CBX1: variants seen among roughly 807,000 people sequenced by gnomAD.
The protein encoded by CBX1 is chromobox 1, also known as chromobox protein homolog 1.
CBX1 carries 10 observed loss-of-function variants against 25.1 expected under a neutral mutation model. That is an observed-to-expected ratio of 0.40 (90% CI 0.25 to 0.68). The LOEUF (loss-of-function observed/expected upper bound fraction) is 0.68. Ranked by LOEUF, CBX1 falls within the 30% of genes least tolerant of loss-of-function variation. The pLI, the probability that CBX1 is intolerant of heterozygous loss-of-function variation, is 0.40. For missense variants in CBX1, 106 were observed against 218.5 expected, an observed-to-expected ratio of 0.49 and a Z score of 3.25; for synonymous variants, 63 against 79.4, an observed-to-expected ratio of 0.79 and a Z score of 1.10.
chr17:48,087,247 C>T (rs1167993014), intron 1 of CBX1, among the ~76,000 whole-genome samples: 1 of 150,582 alleles, frequency 6.6e-6, no homozygotes, highest in Non-Finnish European at 1.5e-5. Flanking sequence ...GAACCTTCAC[C>T]TCTATGAGAA....
Position 48,083,903 on chromosome 17 carries a change from A to G in CBX1, c.-37-6862T>C, listed in dbSNP as rs114484478. ...GTAGAACCATGTAGTTCAACCAGCC[A>G]TGTTTATCTGCAAAGTTTCACTGAA... On this transcript the variant is annotated intron_variant, in intron 1 of 4. Coordinates refer to ENST00000225603, the MANE Select transcript of CBX1 (RefSeq NM_001127228.2). 3.8e-3 allele frequency among the ~76,000 whole-genome samples: 567 copies of G among 150,754 alleles called. 66 individuals carry two copies. Among genetic ancestry groups the G allele is most frequent in the African/African-American group, 0.013 (532 of 40,120 alleles).
In CBX1 at chr17:48,077,000, C is replaced by A. The variant is rs1273061679; in HGVS notation, c.5G>T (p.Gly2Val). Residue 2 changes from glycine (G) to valine (V), a missense_variant, in exon 2 of 5, where the codon GGG becomes GTG. Gly to Val is a moderately radical substitution (Grantham distance 109, BLOSUM62 -3). Around this residue, in one of 4 missense-constraint regions of CBX1, gnomAD observed 19 missense variants for 17.3 expected, o/e 1.10. Transcript: ENST00000225603. MGKKQNKKKVEE... is the reference protein window; with the variant it reads MVKKQNKKKVEE... ...CACTTTCTTCTTGTTTTGTTTTTTC[C>A]CCATAGTGCCCGCCAGCTTTCTGGT... 1 of 1,612,642 alleles carries A rather than the reference C, an allele frequency of 6.2e-7. No individual in the cohort carries two copies. Among genetic ancestry groups the A allele is most frequent in the Admixed American group, 1.7e-5 (1 of 59,666 alleles).
intron 1 of CBX1, among the ~76,000 whole-genome samples, chr17:48,092,063 TCAC>T (rs1184961959): frequency 1.5e-5 from 2 of 135,478 alleles, no homozygotes; most frequent in Admixed American, 8.3e-5. Flanking sequence ...CCATCTTGAC[TCAC>T]CACAACCTTC....
intron 1 of CBX1, among the ~76,000 whole-genome samples, chr17:48,094,114 C>CAAA (rs11459504): frequency 0.01 from 519 of 50,634 alleles, 10 homozygotes; most frequent in East Asian, 0.02. Context: ...AACTCTGTCT[C>CAAA]AAAAAAAAAA....
intron 1 of CBX1, among the ~76,000 whole-genome samples, chr17:48,091,535 C>CTTTTTT (rs4053473): frequency 1.5e-4 from 11 of 72,170 alleles, no homozygotes; most frequent in African/African-American, 5.7e-4. Context: ...CCACCATGCC[C>CTTTTTT]TTTTTTTTTT....
chr17:48,100,011 T>C (rs1199863898), intron 1 of CBX1, among the ~76,000 whole-genome samples: 1 of 151,756 alleles, frequency 6.6e-6, no homozygotes, highest in Non-Finnish European at 1.5e-5. Flanking sequence ...TGGTGGCGTG[T>C]GCCTGTAATC....
rs1226896986 is a variant in CBX1, at chr17:48,092,464, CTCTCT to C, written c.-38+8799_-38+8803del. 4.0e-3 allele frequency among the ~76,000 whole-genome samples: 587 copies of C among 147,486 alleles called. 4 individuals are homozygous for C. The highest frequency in any genetic ancestry group is 0.013 in the African/African-American group (510 of 40,512). On this transcript the variant is annotated intron_variant, in intron 1 of 4. Coordinates refer to ENST00000225603, the MANE Select transcript of CBX1 (RefSeq NM_001127228.2). Reference sequence around the variant, plus strand: ...ACAGCAAGACTCCATCTCTCTCTCTCTCTCTTTTTTTTTTTGAGAGGGAGTCTTGC... The same window carrying C: ...ACAGCAAGACTCCATCTCTCTCTCTCTTTTTTTTTTGAGAGGGAGTCTTGC...
chr17:48,088,859 T>C (rs2063327464), intron 1 of CBX1: 1 of 151,036 alleles, frequency 6.6e-6, no homozygotes, highest in East Asian at 2.0e-4. Flanking sequence ...ACAGCTGCCA[T>C]AGTATTCCAT....
intron 1 of CBX1, among the ~76,000 whole-genome samples, chr17:48,097,927 T>G (rs954945762): frequency 3.3e-5 from 5 of 152,214 alleles, no homozygotes; most frequent in African/African-American, 1.2e-4. Context: ...TTCAAGATTC[T>G]TTTAAAACAG....
chr17:48,081,979 G>A (rs573330396), intron 1 of CBX1, among the ~76,000 whole-genome samples: 4 of 152,164 alleles, frequency 2.6e-5, no homozygotes, highest in Admixed American at 2.0e-4. Context: ...GTCAGGGCTC[G>A]GCAGCACACA....
intron 1 of CBX1, among the ~76,000 whole-genome samples, chr17:48,086,571 C>T (rs1026871807): frequency 1.8e-4 from 27 of 152,174 alleles, no homozygotes; most frequent in Non-Finnish European, 1.0e-4. Flanking sequence ...AAATGTTGGT[C>T]AGGGCTGGGC....
At position 48,076,148 on chromosome 17, in the gene CBX1, G is replaced by A. The variant is rs968058492; in HGVS notation, c.171C>T (p.Asn57=). Residue 57 remains asparagine, a synonymous_variant, in exon 3 of 5, where the codon AAC becomes AAT. Coordinates refer to ENST00000225603, the MANE Select transcript of CBX1 (RefSeq NM_001127228.2). ...DEDNTWEPEE[N]LDCPDLIAEF... ...CAGCAATGAGGTCGGGGCAATCCAG[G>A]TTCTCTTCTGGCTCCCATGTGTTGT... 1.3e-6 allele frequency: 2 copies of A among 1,599,598 alleles called. No individual in the cohort carries two copies. The highest frequency in any genetic ancestry group is 1.1e-5 in the South Asian group (1 of 89,366).
chr17:48,085,330 G>A (rs1598310018), intron 1 of CBX1, among the ~76,000 whole-genome samples: 1 of 152,040 alleles, frequency 6.6e-6, no homozygotes, highest in African/African-American at 2.4e-5. Context: ...ACAATTAAAC[G>A]AAGCACTGCA....
At chr17:48,100,687 C>G (rs544921417) in intron 1 of CBX1, 359 of 983,148 alleles carry the variant, frequency 3.7e-4, no homozygotes, top group Non-Finnish European at 4.2e-4. Context: ...CCAGCAAACG[C>G]CTGCCCCTCC....
rs952577449 is a variant in CBX1, at chr17:48,100,112, C to G, written c.-38+1156G>C. The stretch of plus-strand genomic sequence containing the variant: ...CAAGATCGCACCACTGCACTCCAGC[C>G]TGGGCAACAGAGGAAGACTCTTCTC... On this transcript the variant is annotated intron_variant, in intron 1 of 4. Transcript: ENST00000225603. Among the ~76,000 whole-genome samples, 3 of 116,150 alleles carry G rather than the reference C, an allele frequency of 2.6e-5. No homozygotes were observed. In the South Asian group the frequency reaches 8.7e-4, roughly 34 times the overall value. 76.2% of individuals were successfully genotyped at this position (116,150 alleles called of 152,430 possible). A position where few individuals can be genotyped will look rare whatever the true frequency, so the allele number is the denominator to read the frequency against.
chr17:48,093,480 T>C (rs2063355677), intron 1 of CBX1, among the ~76,000 whole-genome samples: 1 of 152,172 alleles, frequency 6.6e-6, no homozygotes. Context: ...GTAAACATTT[T>C]GAAAAGCTGA....
chr17:48,094,464 G>A (rs544926834), intron 1 of CBX1, among the ~76,000 whole-genome samples: 38 of 150,768 alleles, frequency 2.5e-4, no homozygotes, highest in African/African-American at 9.0e-4. Flanking sequence ...TGGGCTCTGT[G>A]GCCCACACCT....
chr17:48,080,618 A>G (rs1443975937), intron 1 of CBX1, among the ~76,000 whole-genome samples: 1 of 151,798 alleles, frequency 6.6e-6, no homozygotes, highest in Non-Finnish European at 1.5e-5. Context: ...TATAGACAGA[A>G]TGCACTTAGA....
At chr17:48,087,599 C>T (rs767124576) in intron 1 of CBX1, among the ~76,000 whole-genome samples, 7 of 151,630 alleles carry the variant, frequency 4.6e-5, no homozygotes, top group Non-Finnish European at 8.8e-5. Context: ...AAAGGCTGGG[C>T]GCAGTGGCTC....
Sources: allele counts gnomAD v4.1 joint callset (sites outside exome capture counted in the v4.1 genomes callset), GRCh38; gene constraint gnomAD v4.1.1; regional missense constraint gnomAD v4.1.1; transcripts MANE v1.5; gene names NCBI Gene and HGNC (gene_info 2026-07-23, HGNC 2026-07-21).